Variants in PAM observed in about 807,000 individuals in gnomAD.
PAM encodes the protein peptidylglycine alpha-amidating monooxygenase, also known as peptidyl-glycine alpha-amidating monooxygenase.
A neutral mutation model predicts 122.1 loss-of-function variants in PAM; 72 were observed. The ratio of observed to expected loss-of-function variants is 0.59; its 90% confidence interval spans 0.49 to 0.72. The LOEUF (loss-of-function observed/expected upper bound fraction) is 0.72. Among genes scored for constraint, PAM ranks in the 30% least tolerant of loss-of-function variants. The pLI, the probability that PAM is intolerant of heterozygous loss-of-function variation, is 0.00. For synonymous variants in PAM, 389 were observed against 404.4 expected, an observed-to-expected ratio of 0.96 and a Z score of 0.46; for missense variants, 1,106 against 1,183.7, an observed-to-expected ratio of 0.93 and a Z score of 0.96.
intron 1 of PAM, among the ~76,000 whole-genome samples, chr5:102,819,412 A>G (rs1293604807): frequency 1.3e-5 from 2 of 151,872 alleles, no homozygotes; most frequent in African/African-American, 2.4e-5. Flanking sequence ...TATACATATA[A>G]TAGTATAAAT....
At chr5:102,902,028 AG>A (rs1316005964) in intron 4 of PAM, among the ~76,000 whole-genome samples, 4 of 151,660 alleles carry the variant, frequency 2.6e-5, no homozygotes, top group Non-Finnish European at 5.9e-5. Context: ...GTTTCCTTCT[AG>A]GTTGTTTCCA....
At chr5:102,915,517 T>C (rs1429945213) in intron 5 of PAM, among the ~76,000 whole-genome samples, 2 of 152,158 alleles carry the variant, frequency 1.3e-5, no homozygotes, top group Non-Finnish European at 2.9e-5. Flanking sequence ...ACATTCCCGT[T>C]TATACTCTTC....
intron 5 of PAM, among the ~76,000 whole-genome samples, chr5:102,916,650 T>A (rs1172444985): frequency 2.0e-5 from 3 of 146,774 alleles, no homozygotes; most frequent in Admixed American, 6.8e-5. Flanking sequence ...ATATATTCCT[T>A]TATATATATA....
At chr5:102,964,537 G>A (rs964267918) in intron 14 of PAM, among the ~76,000 whole-genome samples, 10 of 151,834 alleles carry the variant, frequency 6.6e-5, no homozygotes, top group Admixed American at 1.3e-4. Context: ...TTTTAATGAG[G>A]CTTTAATTGA....
intron 14 of PAM, among the ~76,000 whole-genome samples, chr5:102,963,765 G>C (rs751159627): frequency 9.9e-5 from 15 of 151,638 alleles, no homozygotes; most frequent in Non-Finnish European, 1.9e-4. Context: ...TTCTGTAAGT[G>C]ATGTAGATAG....
intron 1 of PAM, among the ~76,000 whole-genome samples, chr5:102,852,270 A>G (rs1046399370): frequency 1.3e-5 from 2 of 152,228 alleles, no homozygotes; most frequent in Non-Finnish European, 2.9e-5. Flanking sequence ...ATTATTTTAA[A>G]GCTTTATTTT....
At chr5:102,899,900 GGGA>G (rs1195105408) in intron 3 of PAM, among the ~76,000 whole-genome samples, 4 of 151,596 alleles carry the variant, frequency 2.6e-5, no homozygotes, top group African/African-American at 9.7e-5. Flanking sequence ...TTTGTTATTT[GGGA>G]GGAGAAGCAA....
intron 1 of PAM, among the ~76,000 whole-genome samples, chr5:102,827,669 T>TAGCATTAAAAACCAC (rs1580633505): frequency 1.9e-5 from 1 of 52,972 alleles, no homozygotes; most frequent in African/African-American, 9.2e-5. Context: ...ACTATGATTT[T>TAGCATTAAAAACCAC]TTTTTTTTTT....
intron 15 of PAM, among the ~76,000 whole-genome samples, chr5:102,976,819 C>T (rs1006955198): frequency 3.3e-5 from 5 of 152,168 alleles, no homozygotes; most frequent in African/African-American, 1.2e-4. Flanking sequence ...AGATCTAAAT[C>T]TGAAACTTGG....
At chr5:102,781,653 A>G (rs1459744904) in intron 1 of PAM, among the ~76,000 whole-genome samples, 2 of 152,340 alleles carry the variant, frequency 1.3e-5, no homozygotes, top group Non-Finnish European at 1.5e-5. Context: ...AAGTCTTGAT[A>G]GGAAATAAAA....
At position 103,025,223 on chromosome 5, in the gene PAM, C is replaced by T. The variant is rs143756698; in HGVS notation, c.2578C>T (p.Pro860Ser). The change falls in exon 24 of 26, where the codon CCA becomes TCA. Residue 860 changes from proline to serine, a missense_variant. This residue lies in a region of PAM where 333 missense variants were observed against 335.6 expected (regional missense o/e 0.99). Coordinates refer to ENST00000438793, the MANE Select transcript of PAM (RefSeq NM_001177306.2). Reference protein sequence around the residue: ...MQEKQKLIKEPGSGVPVVLIT... With the variant: ...MQEKQKLIKESGSGVPVVLIT... ...AGAGAAACAGAAACTGATCAAAGAG[C>T]CAGGCTCGGGAGTGCCTGTTGTTCT... The T allele has an allele frequency of 2.8e-4, 453 of 1,613,330 alleles. No homozygotes were observed. The highest frequency in any genetic ancestry group is 3.7e-4 in the Non-Finnish European group (438 of 1,179,328).
rs541370006 is a variant in PAM, at chr5:102,772,886, C to G, written c.-374+17538C>G. On this transcript the variant is annotated intron_variant, in intron 1 of 25. Coordinates refer to ENST00000438793, the MANE Select transcript of PAM (RefSeq NM_001177306.2). ...ATGATTTTAATGTATCACAGATTTT[C>G]AAATATCTGGAGTTTCATATGATTC... Among the ~76,000 whole-genome samples, 3 of 152,138 alleles carry G rather than the reference C, an allele frequency of 2.0e-5. No homozygotes were observed. In the South Asian group the frequency reaches 6.2e-4, roughly 32 times the overall value.
intron 3 of PAM, among the ~76,000 whole-genome samples, chr5:102,879,974 C>A (rs1183959020): frequency 6.6e-6 from 1 of 152,106 alleles, no homozygotes; most frequent in Non-Finnish European, 1.5e-5. Context: ...CAGAACATAT[C>A]CCCATTGTTA....
intron 3 of PAM, among the ~76,000 whole-genome samples, chr5:102,885,891 CCCACAG>C (rs1792927673): frequency 6.6e-6 from 1 of 151,918 alleles, no homozygotes; most frequent in African/African-American, 2.4e-5. Context: ...ACAGTTACCG[CCCACAG>C]CATTCACCAG....
At chr5:103,010,837 T>A (rs938306104) in intron 21 of PAM, among the ~76,000 whole-genome samples, 3 of 152,226 alleles carry the variant, frequency 2.0e-5, no homozygotes, top group African/African-American at 2.4e-5. Flanking sequence ...ATGAGATATT[T>A]TAGCACAGGT....
intron 24 of PAM, 45 bp from the exon 25 acceptor site, chr5:103,028,140 A>G (rs369958513): frequency 6.7e-7 from 1 of 1,502,496 alleles, no homozygotes; most frequent in Non-Finnish European, 9.3e-7. Context: ...GGGTTGAGAA[A>G]GATGACTGGG....
intron 4 of PAM, among the ~76,000 whole-genome samples, chr5:102,907,728 A>G (rs1314351461): frequency 2.6e-5 from 4 of 152,094 alleles, no homozygotes; most frequent in East Asian, 1.9e-4. Flanking sequence ...GCCAGTGATG[A>G]TGAGCATTTT....
intron 14 of PAM, among the ~76,000 whole-genome samples, chr5:102,963,925 CAGGT>C (rs954113102): frequency 9.4e-5 from 14 of 149,356 alleles, no homozygotes; most frequent in Admixed American, 8.7e-4. Flanking sequence ...CATTGGAAAA[CAGGT>C]AGAAAGATAT....
intron 7 of PAM, 27 bp downstream of exon 7, chr5:102,926,695 C>T: frequency 8.8e-7 from 1 of 1,131,138 alleles, no homozygotes; most frequent in Non-Finnish European, 1.3e-6. Context: ...TGGAACTAAG[C>T]AAAACTTCTA....
Sources: gnomAD v4.1 joint callset for allele counts (sites outside exome capture counted in the v4.1 genomes callset) on GRCh38, gnomAD v4.1.1 for gene constraint, gnomAD v4.1.1 regional missense constraint, MANE v1.5 for transcripts, NCBI Gene and HGNC (gene_info 2026-07-23, HGNC 2026-07-21) for gene names.